The following ANO4 variants were observed in gnomAD, a reference collection of about 807,000 sequenced individuals.
ANO4 encodes anoctamin 4.
In ANO4, 69 loss-of-function variants were observed where a neutral mutation model predicts 141.9. The ratio of observed to expected loss-of-function variants is 0.49; its 90% CI spans 0.40 to 0.59. ANO4 has a LOEUF of 0.59. ANO4 is among the 20% of genes least tolerant of loss of function. The pLI is 0.00. For missense variants in ANO4, 894 were observed against 1,162.2 expected (o/e 0.77, Z 3.36); for synonymous variants, 350 against 394.3 (o/e 0.89, Z 1.33).
intron 2 of ANO4, among the ~76,000 whole-genome samples, chr12:100,921,252 G>GT (rs2041618779): frequency 6.6e-6 from 1 of 152,074 alleles, no homozygotes; most frequent in African/African-American, 2.4e-5. Flanking sequence ...AGAATATTAA[G>GT]TTACCTTCAG....
chr12:100,913,908 G>A (rs1359284813), intron 2 of ANO4, among the ~76,000 whole-genome samples: 4 of 152,190 alleles, frequency 2.6e-5, no homozygotes, highest in African/African-American at 7.2e-5. Context: ...AGCCCTTCAT[G>A]TATAAAGACT....
At position 101,096,502 on chromosome 12, in the gene ANO4, A is replaced by G. The variant is rs200778645; in HGVS notation, c.1739-34A>G. 2.9e-4 allele frequency: 440 copies of G among 1,522,500 alleles called. 3 individuals are homozygous for G. In the African/African-American group the frequency reaches 4.7e-3, roughly 16 times the overall value. 94.3% of individuals were successfully genotyped at this position (1,522,500 alleles called of 1,614,324 possible). A position where few individuals can be genotyped will look rare whatever the true frequency, so the allele number is the denominator to read the frequency against. The stretch of plus-strand genomic sequence containing the variant: ...AGGGAGTTGAGAGGGGATGAGATTC[A>G]GCCTTTCAAACTCTGCTCACCTTTT... On this transcript the variant is annotated intron_variant, in intron 18 of 27. Coordinates refer to ENST00000392977, the MANE Select transcript of ANO4 (RefSeq NM_001286615.2).
chr12:100,900,158 G>A (rs1281929331), intron 1 of ANO4, among the ~76,000 whole-genome samples: 3 of 152,090 alleles, frequency 2.0e-5, no homozygotes, highest in Admixed American at 1.3e-4. Flanking sequence ...AATATTACAG[G>A]TGTCAGGAAT....
intron 8 of ANO4, among the ~76,000 whole-genome samples, chr12:100,993,710 G>A (rs1260958244): frequency 2.0e-5 from 3 of 152,060 alleles, no homozygotes; most frequent in Non-Finnish European, 4.4e-5. Flanking sequence ...TGATTTTTTA[G>A]GAAATTTTTA....
chr12:100,733,512 C>A (rs2031475833), intron 1 of ANO4, among the ~76,000 whole-genome samples: 1 of 152,208 alleles, frequency 6.6e-6, no homozygotes, highest in South Asian at 2.1e-4. Flanking sequence ...TTCACTCTCC[C>A]ATTGTAATAA....
intron 1 of ANO4, among the ~76,000 whole-genome samples, chr12:100,866,319 CA>C (rs796134815): frequency 1.4e-4 from 21 of 152,256 alleles, no homozygotes; most frequent in African/African-American, 5.1e-4. Flanking sequence ...GAAGGCATAG[CA>C]CCTGCAGTTC....
chr12:101,004,148 G>C (rs1007537483), intron 8 of ANO4, among the ~76,000 whole-genome samples: 6 of 52,932 alleles, frequency 1.1e-4, no homozygotes, highest in Admixed American at 3.7e-4. Context: ...AAAGGATACT[G>C]TGGGGGAAGT....
rs201831622 is a variant in ANO4, at chr12:101,037,124, T to C, written c.871T>C (p.Tyr291His). 2.5e-6 allele frequency: 4 copies of C among 1,613,968 alleles called. No individual in the cohort carries two copies. The highest frequency in any genetic ancestry group is 3.4e-6 in the Non-Finnish European group (4 of 1,179,954). The change falls in exon 10 of 28, where the codon TAT becomes CAT. Residue 291 changes from tyrosine (Y) to histidine (H), a missense_variant. Around this residue, in one of 2 missense-constraint regions of ANO4, gnomAD observed 637 missense variants for 909.2 expected, o/e 0.70. Transcript: ENST00000392977. ...GAATCGTTTGCTTACCAATGGCTCCTATGAAGCTGCGTTTCCCCTGCATGA... is the reference window on the plus strand; with the variant it reads ...GAATCGTTTGCTTACCAATGGCTCCCATGAAGCTGCGTTTCCCCTGCATGA... ...GLNRLLTNGS[Y>H]EAAFPLHEGS...
At chr12:100,951,926 G>A (rs567747777) in intron 5 of ANO4, among the ~76,000 whole-genome samples, 2 of 152,294 alleles carry the variant, frequency 1.3e-5, no homozygotes, top group East Asian at 3.9e-4. Flanking sequence ...CCCACTAGAT[G>A]CCAGTAGCAC....
chr12:100,786,241 G>A (rs2033869579), intron 3 of ANO4, among the ~76,000 whole-genome samples: 1 of 152,214 alleles, frequency 6.6e-6, no homozygotes, highest in Non-Finnish European at 1.5e-5. Flanking sequence ...CCCGACCAAG[G>A]GGAGTGTAGT....
At chr12:100,721,102 G>A (rs1249516719) in intron 1 of ANO4, among the ~76,000 whole-genome samples, 2 of 152,204 alleles carry the variant, frequency 1.3e-5, no homozygotes, top group Admixed American at 6.5e-5. Flanking sequence ...TGCTATGCTT[G>A]TATAGTTAGC....
At chr12:101,019,710 T>C (rs997410758) in intron 8 of ANO4, among the ~76,000 whole-genome samples, 2 of 152,172 alleles carry the variant, frequency 1.3e-5, no homozygotes, top group African/African-American at 2.4e-5. Flanking sequence ...AAATGAATTT[T>C]TAGTTGAATT....
intron 25 of ANO4, among the ~76,000 whole-genome samples, chr12:101,119,120 A>T (rs1158215733): frequency 6.6e-6 from 1 of 151,970 alleles, no homozygotes; most frequent in Non-Finnish European, 1.5e-5. Flanking sequence ...TCTATCATTG[A>T]TGGAGCTTTC....
chr12:100,844,306 G>A (rs1449770920), intron 1 of ANO4, among the ~76,000 whole-genome samples: 1 of 152,014 alleles, frequency 6.6e-6, no homozygotes, highest in Non-Finnish European at 1.5e-5. Flanking sequence ...AGGGGAAACT[G>A]GATTTTATAT....
rs548381559 is a variant in ANO4 at position 100,795,892 on chromosome 12, A to G, written c.-141+865A>G. 2.0e-5 allele frequency among the ~76,000 whole-genome samples: 3 copies of G among 152,248 alleles called. No homozygotes were observed. In the South Asian group the frequency reaches 6.2e-4, roughly 32 times the overall value. On this transcript the variant is annotated intron_variant, in intron 1 of 27. Transcript: ENST00000392977. ...ACATTACTCTTACAATAGTGCTCTA[A>G]TTTTTCACCTGGTCTCCTGAGGTTT...
At chr12:100,918,420 T>C (rs1313849567) in intron 2 of ANO4, among the ~76,000 whole-genome samples, 2 of 152,246 alleles carry the variant, frequency 1.3e-5, no homozygotes, top group African/African-American at 4.8e-5. Flanking sequence ...GGATAACTTC[T>C]GTACCTATTT....
At chr12:100,728,135 T>G (rs1020319587) in intron 1 of ANO4, among the ~76,000 whole-genome samples, 3 of 152,196 alleles carry the variant, frequency 2.0e-5, no homozygotes, top group African/African-American at 7.2e-5. Context: ...TTACAAGAAT[T>G]CCACATTCAG....
Position 100,908,347 on chromosome 12 carries a change from C to CA in ANO4, c.55+6514dup, listed in dbSNP as rs954635287. 3.9e-5 allele frequency among the ~76,000 whole-genome samples: 6 copies of CA among 151,978 alleles called. No individual in the cohort carries two copies. The South Asian group carries it at 8.3e-4, about 21-fold the overall frequency. On this transcript the variant is annotated intron_variant, in intron 2 of 27. Coordinates refer to ENST00000392977, the MANE Select transcript of ANO4 (RefSeq NM_001286615.2). ...CTGGGCAACGAGCAAAACTCTGTCT[C>CA]AAAAAAACAAAAACAAAACAAAACA...
At chr12:100,920,077 T>C (rs2041561057) in intron 2 of ANO4, among the ~76,000 whole-genome samples, 1 of 152,154 alleles carries the variant, frequency 6.6e-6, no homozygotes, top group Admixed American at 6.6e-5. Context: ...ATTGGGCTTC[T>C]ATTTATTAGT....
Sources: gnomAD v4.1 joint callset for allele counts (sites outside exome capture counted in the v4.1 genomes callset) on GRCh38, gnomAD v4.1.1 for gene constraint, gnomAD v4.1.1 regional missense constraint, MANE v1.5 for transcripts, NCBI Gene and HGNC (gene_info 2026-07-23, HGNC 2026-07-21) for gene names.